Variants in DIP2B observed in about 807,000 individuals in gnomAD.
The protein encoded by DIP2B is DIP2 acetate--CoA ligase B (putative), also known as disco-interacting protein 2 homolog B.
A neutral mutation model predicts 198.0 loss-of-function variants in DIP2B; 76 were observed. The observed-to-expected ratio is 0.38, with a 90% CI of 0.32 to 0.46. The LOEUF is 0.46. Ranked by LOEUF, DIP2B falls within the 20% of genes least tolerant of loss-of-function variation. The pLI is 0.99. For missense variants in DIP2B, 1,559 were observed against 1,978.4 expected (o/e 0.79, Z 4.02); for synonymous variants, 701 against 739.1 (o/e 0.95, Z 0.84).
intron 19 of DIP2B, among the ~76,000 whole-genome samples, chr12:50,699,438 A>ATTAGG (rs1441511998): frequency 5.9e-5 from 9 of 152,168 alleles, no homozygotes; most frequent in Non-Finnish European, 1.2e-4. Flanking sequence ...AATTGTACCT[A>ATTAGG]TGTCATAGGA....
intron 35 of DIP2B, 135 bp from the exon 36 acceptor site, chr12:50,739,274 C>T: frequency 1.1e-6 from 1 of 912,316 alleles, no homozygotes. Flanking sequence ...TGGTAAATGT[C>T]AGCTGCCTTT....
chr12:50,673,553 T>C (rs1938892503), intron 5 of DIP2B, among the ~76,000 whole-genome samples: 1 of 152,074 alleles, frequency 6.6e-6, no homozygotes, highest in African/African-American at 2.4e-5. Context: ...TTGGGAGGCA[T>C]TGGTGGGAGG....
intron 1 of DIP2B, among the ~76,000 whole-genome samples, chr12:50,567,588 C>T (rs1297839467): frequency 1.3e-5 from 2 of 152,044 alleles, no homozygotes; most frequent in African/African-American, 4.8e-5. Context: ...AGTGCAGTGG[C>T]GCCATCTTGG....
At chr12:50,706,307 A>G (rs1157651989) in intron 20 of DIP2B, among the ~76,000 whole-genome samples, 1 of 152,156 alleles carries the variant, frequency 6.6e-6, no homozygotes, top group African/African-American at 2.4e-5. Context: ...AATATGAGTA[A>G]ATTCCCTTCT....
At chr12:50,659,021 A>T (rs1938600696) in intron 3 of DIP2B, among the ~76,000 whole-genome samples, 1 of 152,188 alleles carries the variant, frequency 6.6e-6, no homozygotes, top group African/African-American at 2.4e-5. Context: ...TGGGAGGCAG[A>T]GGTTGCAGTG....
chr12:50,680,522 G>C, intron 8 of DIP2B, 150 bp from the exon 9 acceptor site: 1 of 621,594 alleles, frequency 1.6e-6, no homozygotes, highest in Non-Finnish European at 2.7e-6. Context: ...GAGGCCTACT[G>C]TGTGTTGGGG....
At chr12:50,628,783 T>G (rs1452159556) in intron 2 of DIP2B, among the ~76,000 whole-genome samples, 1 of 152,246 alleles carries the variant, frequency 6.6e-6, no homozygotes, top group Non-Finnish European at 1.5e-5. Flanking sequence ...CCCGTTTTAG[T>G]TCCTTCTGGA....
At chr12:50,509,310 C>T (rs1245583104) in intron 1 of DIP2B, among the ~76,000 whole-genome samples, 2 of 152,140 alleles carry the variant, frequency 1.3e-5, no homozygotes, top group Non-Finnish European at 2.9e-5. Context: ...GCTAGTAGAG[C>T]GGGCTATAAT....
chr12:50,623,549 TCTCA>T (rs1186686090), intron 1 of DIP2B, among the ~76,000 whole-genome samples: 2 of 141,326 alleles, frequency 1.4e-5, no homozygotes, highest in Non-Finnish European at 3.2e-5. Context: ...ACACACACAC[TCTCA>T]CTCACCCAAG....
intron 2 of DIP2B, among the ~76,000 whole-genome samples, chr12:50,634,540 A>C (rs368558771): frequency 6.6e-6 from 1 of 152,218 alleles, no homozygotes; most frequent in Admixed American, 6.5e-5. Flanking sequence ...ATGGGACAAG[A>C]CACTGCCCAG....
intron 3 of DIP2B, among the ~76,000 whole-genome samples, chr12:50,645,451 A>G (rs1938333531): frequency 6.7e-6 from 1 of 148,724 alleles, no homozygotes; most frequent in Non-Finnish European, 1.5e-5. Flanking sequence ...GGAAGGATGT[A>G]CAAAATCCTT....
chr12:50,726,514 C>G (rs1382296229), intron 28 of DIP2B, among the ~76,000 whole-genome samples: 8 of 151,646 alleles, frequency 5.3e-5, no homozygotes, highest in Admixed American at 3.9e-4. Flanking sequence ...CCATGCCTGG[C>G]TAATTTTTGT....
intron 1 of DIP2B, among the ~76,000 whole-genome samples, chr12:50,609,494 A>C (rs1244917458): frequency 6.6e-6 from 1 of 152,174 alleles, no homozygotes; most frequent in African/African-American, 2.4e-5. Flanking sequence ...TTCATCATCT[A>C]CTGGTCTGGC....
At chr12:50,527,845 G>C (rs1158708101) in intron 1 of DIP2B, among the ~76,000 whole-genome samples, 1 of 151,916 alleles carries the variant, frequency 6.6e-6, no homozygotes, top group Non-Finnish European at 1.5e-5. Context: ...TATTTGTTCA[G>C]AATCCTGAAT....
At chr12:50,604,546 C>T (rs1265343999) in intron 1 of DIP2B, among the ~76,000 whole-genome samples, 1 of 152,156 alleles carries the variant, frequency 6.6e-6, no homozygotes, top group Admixed American at 6.5e-5. Flanking sequence ...CAGCCTTGAC[C>T]TCCCAGGCTC....
At chr12:50,589,641 G>T (rs563233637) in intron 1 of DIP2B, among the ~76,000 whole-genome samples, 4 of 152,220 alleles carry the variant, frequency 2.6e-5, no homozygotes, top group African/African-American at 9.6e-5. Context: ...AAAAAGCTTG[G>T]TATATCTGAA....
intron 4 of DIP2B, among the ~76,000 whole-genome samples, chr12:50,666,079 T>G (rs1938747230): frequency 6.6e-6 from 1 of 152,202 alleles, no homozygotes; most frequent in South Asian, 2.1e-4. Flanking sequence ...ATTTTATGAT[T>G]GGTGTGGGGT....
At chr12:50,742,570 G>A (rs1046611206) in intron 37 of DIP2B, among the ~76,000 whole-genome samples, 2 of 151,946 alleles carry the variant, frequency 1.3e-5, no homozygotes, top group African/African-American at 4.8e-5. Context: ...TTTGATGGTT[G>A]CTCATGCTTT....
intron 1 of DIP2B, among the ~76,000 whole-genome samples, chr12:50,566,984 A>G (rs1337318637): frequency 3.3e-5 from 5 of 151,130 alleles, no homozygotes; most frequent in African/African-American, 1.2e-4. Flanking sequence ...AAAAAAAAAA[A>G]AAAAAAAAGA....
Sources: gnomAD v4.1 joint callset for allele counts (sites outside exome capture counted in the v4.1 genomes callset) on GRCh38, gnomAD v4.1.1 for gene constraint, MANE v1.5 for transcripts, NCBI Gene and HGNC (gene_info 2026-07-23, HGNC 2026-07-21) for gene names.